ANO3: variants seen among roughly 807,000 people sequenced by gnomAD.
ANO3 encodes the protein anoctamin 3.
ANO3 carries 99 observed loss-of-function variants against 144.8 expected under a neutral mutation model. That is an observed-to-expected ratio of 0.68 (90% CI 0.58 to 0.81). The LOEUF is 0.81. Ranked by LOEUF, ANO3 falls within the 30% of genes least tolerant of loss-of-function variation. ANO3 has a pLI of 0.00. For missense variants in ANO3, 905 were observed against 1,202.2 expected, an observed-to-expected ratio of 0.75 and a Z score of 3.66; for synonymous variants, 414 against 392.6, an observed-to-expected ratio of 1.05 and a Z score of -0.64.
At chr11:26,338,973 G>A (rs926198419) in intron 1 of ANO3, among the ~76,000 whole-genome samples, 1 of 152,186 alleles carries the variant, frequency 6.6e-6, no homozygotes, top group Non-Finnish European at 1.5e-5. Context: ...TGTTCCCAAA[G>A]TTCAAAGATG....
At chr11:26,274,119 T>C (rs1853507623) in intron 1 of ANO3, among the ~76,000 whole-genome samples, 1 of 152,174 alleles carries the variant, frequency 6.6e-6, no homozygotes, top group African/African-American at 2.4e-5. Flanking sequence ...CACATTTTAC[T>C]GCCCTGTTTA....
chr11:26,608,965 C>T (rs1263718595), intron 17 of ANO3, among the ~76,000 whole-genome samples: 1 of 152,256 alleles, frequency 6.6e-6, no homozygotes, highest in East Asian at 1.9e-4. Context: ...TGGTGCTGGT[C>T]GCCCCTCCCC....
intron 1 of ANO3, among the ~76,000 whole-genome samples, chr11:26,370,498 G>T (rs935877069): frequency 2.6e-5 from 4 of 152,282 alleles, no homozygotes; most frequent in East Asian, 1.9e-4. Context: ...ACCCAAAAAT[G>T]TGGAGGTGAC....
intron 1 of ANO3, among the ~76,000 whole-genome samples, chr11:26,406,462 A>C (rs1159470127): frequency 6.6e-6 from 1 of 151,844 alleles, no homozygotes; most frequent in Admixed American, 6.6e-5. Flanking sequence ...TGGGAACTCC[A>C]TTTTATATTT....
Position 26,267,431 on chromosome 11 carries a change from G to A in ANO3, c.155-42214G>A, listed in dbSNP as rs561597978. On this transcript the variant is annotated intron_variant, in intron 1 of 27. Transcript: ENST00000672621. ...CTTCTATAGAGGATTCATAGTAAGA[G>A]ATCATTGTATTTTTATATGGATAAT... 1.4e-3 allele frequency among the ~76,000 whole-genome samples: 215 copies of A among 152,268 alleles called. 1 individual carries two copies. Among genetic ancestry groups the A allele is most frequent in the African/African-American group, 4.8e-3 (201 of 41,574 alleles).
At chr11:26,523,981 ATATTTG>A (rs1241815368) in intron 6 of ANO3, among the ~76,000 whole-genome samples, 2 of 152,202 alleles carry the variant, frequency 1.3e-5, no homozygotes, top group Admixed American at 6.5e-5. Context: ...ACCAATTTCC[ATATTTG>A]TAGCTTTTTT....
intron 1 of ANO3, among the ~76,000 whole-genome samples, chr11:26,282,309 TG>T (rs1341493059): frequency 6.9e-6 from 1 of 144,336 alleles, no homozygotes; most frequent in Non-Finnish European, 1.5e-5. Flanking sequence ...TCATTTTTTT[TG>T]TTTTTTTTTT....
At chr11:26,595,363 GC>G (rs1389167295) in intron 14 of ANO3, among the ~76,000 whole-genome samples, 3 of 150,378 alleles carry the variant, frequency 2.0e-5, no homozygotes, top group Non-Finnish European at 4.4e-5. Flanking sequence ...CAACCCAGCT[GC>G]CCCATCCAGA....
At chr11:26,290,221 A>AT (rs1379617889) in intron 1 of ANO3, among the ~76,000 whole-genome samples, 1 of 152,034 alleles carries the variant, frequency 6.6e-6, no homozygotes, top group Non-Finnish European at 1.5e-5. Context: ...GTGTTCTCTG[A>AT]TGGTAGTTTG....
intron 1 of ANO3, among the ~76,000 whole-genome samples, chr11:26,357,306 T>A (rs536568624): frequency 6.6e-6 from 1 of 152,324 alleles, no homozygotes; most frequent in African/African-American, 2.4e-5. Flanking sequence ...GTCAGACTTA[T>A]TTTCAACATG....
intron 1 of ANO3, among the ~76,000 whole-genome samples, chr11:26,202,236 TATAA>T (rs1272344236): frequency 4.8e-5 from 7 of 146,056 alleles, no homozygotes; most frequent in East Asian, 3.9e-4. Flanking sequence ...TATTTATATA[TATAA>T]ATATATATTA....
chr11:26,235,899 T>C (rs1414558248), intron 1 of ANO3, among the ~76,000 whole-genome samples: 1 of 152,120 alleles, frequency 6.6e-6, no homozygotes, highest in Non-Finnish European at 1.5e-5. Flanking sequence ...ATTCTATAGT[T>C]TTCCCCTTGA....
chr11:26,572,209 TTGTG>T (rs1850856439), intron 14 of ANO3: 5 of 985,500 alleles, frequency 5.1e-6, no homozygotes, highest in Non-Finnish European at 6.0e-6. Flanking sequence ...TGTATCTTGC[TTGTG>T]TAACAGAGCG....
At position 26,426,507 on chromosome 11, in the gene ANO3, A is replaced by G. The variant is rs148076446; in HGVS notation, c.47-15411A>G. ...TCAAGATTTGAAAAAAAAAGCACAT[A>G]TATGAATGCTCATAAGCAGTATTAT... On this transcript the variant is annotated intron_variant, in intron 1 of 26. Transcript: ENST00000256737. 1.1e-3 allele frequency among the ~76,000 whole-genome samples: 165 copies of G among 152,318 alleles called. 1 individual carries two copies. Among genetic ancestry groups the G allele is most frequent in the African/African-American group, 3.9e-3 (164 of 41,576 alleles).
intron 1 of ANO3, among the ~76,000 whole-genome samples, chr11:26,339,349 T>A (rs2133897785): frequency 6.6e-6 from 1 of 152,232 alleles, no homozygotes; most frequent in East Asian, 1.9e-4. Flanking sequence ...GAGATGGGAT[T>A]TCACCATGTT....
At chr11:26,245,417 C>G (rs1274738286) in intron 1 of ANO3, among the ~76,000 whole-genome samples, 2 of 152,124 alleles carry the variant, frequency 1.3e-5, no homozygotes, top group African/African-American at 4.8e-5. Flanking sequence ...TCAATTATTA[C>G]AATAATGGTT....
chr11:26,469,965 T>C, intron 4 of ANO3, among the ~76,000 whole-genome samples: 1 of 152,010 alleles, frequency 6.6e-6, no homozygotes, highest in South Asian at 2.1e-4. Context: ...AACTATAAGC[T>C]ATCATTTTTA....
At chr11:26,566,903 C>T in intron 14 of ANO3, 2 of 561,802 alleles carry the variant, frequency 3.6e-6, no homozygotes, top group South Asian at 1.9e-4. Flanking sequence ...ACTGAATGGG[C>T]TGACTTAGGT....
chr11:26,618,014 A>G (rs908206718), intron 17 of ANO3, among the ~76,000 whole-genome samples: 1 of 152,156 alleles, frequency 6.6e-6, no homozygotes, highest in Non-Finnish European at 1.5e-5. Context: ...TTGTTATGCT[A>G]TTTTCAGACC....
Sources: allele counts gnomAD v4.1 joint callset (sites outside exome capture counted in the v4.1 genomes callset), GRCh38; gene constraint gnomAD v4.1.1; transcripts MANE v1.5; gene names NCBI Gene and HGNC (gene_info 2026-07-23, HGNC 2026-07-21).